The following SEMA6A variants were observed in gnomAD, a reference collection of about 807,000 sequenced individuals.
SEMA6A encodes semaphorin-6A.
Under a neutral mutation model 96.8 loss-of-function variants are expected in SEMA6A, and 25 were observed. The ratio of observed to expected loss-of-function variants is 0.26; its 90% CI spans 0.19 to 0.36. The LOEUF is 0.36. SEMA6A is among the 10% of genes least tolerant of loss of function. The probability of loss-of-function intolerance (pLI) is 1.00; values close to 1 mark genes in which losing one functional copy is unlikely to be tolerated. For synonymous variants in SEMA6A, 612 were observed against 518.0 expected, an observed-to-expected ratio of 1.18 and a Z score of -2.46; for missense variants, 1,363 against 1,323.1, an observed-to-expected ratio of 1.03 and a Z score of -0.47.
At chr5:116,474,305 C>T (rs1027559559) in intron 16 of SEMA6A, among the ~76,000 whole-genome samples, 18 of 151,888 alleles carry the variant, frequency 1.2e-4, no homozygotes, top group African/African-American at 4.4e-4. Flanking sequence ...CACACACACA[C>T]ACACATCTTA....
chr5:116,535,985 G>A (rs1759689634), intron 1 of SEMA6A, among the ~76,000 whole-genome samples: 1 of 152,188 alleles, frequency 6.6e-6, no homozygotes, highest in Non-Finnish European at 1.5e-5. Context: ...CAATTCTACT[G>A]ACTCAAAAGG....
intron 2 of SEMA6A, among the ~76,000 whole-genome samples, chr5:116,502,857 C>G (rs1757952871): frequency 1.3e-5 from 2 of 152,198 alleles, no homozygotes; most frequent in South Asian, 4.1e-4. Flanking sequence ...TTGAAGGCAG[C>G]CCCTGAGAGG....
intron 18 of SEMA6A, among the ~76,000 whole-genome samples, chr5:116,462,808 T>G (rs570689665): frequency 6.6e-6 from 1 of 152,312 alleles, no homozygotes; most frequent in African/African-American, 2.4e-5. Context: ...CAGTACACAG[T>G]CACCTAAACT....
intron 1 of SEMA6A, among the ~76,000 whole-genome samples, chr5:116,518,921 A>T (rs1758794021): frequency 6.6e-6 from 1 of 152,194 alleles, no homozygotes. Context: ...AATAACTAAA[A>T]GACTAAGGCA....
intron 17 of SEMA6A, 198 bp downstream of exon 17, chr5:116,472,875 G>T: frequency 1.4e-6 from 2 of 1,471,036 alleles, no homozygotes; most frequent in Non-Finnish European, 1.8e-6. Flanking sequence ...AAAAAAATCC[G>T]TAAACTGACC....
intron 1 of SEMA6A, among the ~76,000 whole-genome samples, chr5:116,568,637 T>A (rs771644659): frequency 2.6e-5 from 4 of 152,224 alleles, no homozygotes; most frequent in Non-Finnish European, 1.5e-5. Flanking sequence ...TGATTTTACC[T>A]AACTCAGACT....
At chr5:116,573,643 C>T (rs912892871) in intron 1 of SEMA6A, among the ~76,000 whole-genome samples, 3 of 151,696 alleles carry the variant, frequency 2.0e-5, no homozygotes, top group African/African-American at 4.8e-5. Context: ...AGACCCCACA[C>T]TGACAACAAA....
At chr5:116,467,507 C>T in intron 18 of SEMA6A, 76 bp downstream of exon 18, 1 of 1,425,536 alleles carries the variant, frequency 7.0e-7, no homozygotes, top group Non-Finnish European at 9.4e-7. Flanking sequence ...CAAAATTCAG[C>T]TGGAAGCAGT....
chr5:116,473,102 C>T lies in SEMA6A; in HGVS notation c.1709-9G>A. 11 of 1,591,992 alleles carry T rather than the reference C, an allele frequency of 6.9e-6. No individual in the cohort carries two copies. Among genetic ancestry groups the T allele is most frequent in the Non-Finnish European group, 9.4e-6 (11 of 1,168,148 alleles). ...CAGTGCCACAAAGGAATCTGAAAGA[C>T]AAAAGGGAGGAGAAGGTTACTTAAT... is the stretch of plus-strand genomic sequence containing the variant. On this transcript the variant is annotated splice_polypyrimidine_tract_variant and intron_variant, in intron 16 of 18. Coordinates refer to ENST00000343348, the MANE Select transcript of SEMA6A (RefSeq NM_020796.5).
chr5:116,455,230 A>G (rs1202217376), intron 18 of SEMA6A, among the ~76,000 whole-genome samples: 1 of 152,178 alleles, frequency 6.6e-6, no homozygotes, highest in South Asian at 2.1e-4. Context: ...GGCATTGCCA[A>G]TGGGAGTGCT....
chr5:116,495,679 G>A (rs1009592964), intron 5 of SEMA6A, 165 bp from the exon 6 acceptor site: 12 of 563,562 alleles, frequency 2.1e-5, no homozygotes, highest in Middle Eastern at 4.7e-4. Flanking sequence ...AGATGATGCC[G>A]ACATCAACGA....
Position 116,447,744 on chromosome 5 carries a change from T to C in SEMA6A, c.1962A>G (p.Ala654=). 4 of 1,613,850 alleles carry C rather than the reference T, an allele frequency of 2.5e-6. No homozygotes were observed. Among genetic ancestry groups the C allele is most frequent in the Non-Finnish European group, 3.4e-6 (4 of 1,179,768 alleles). Residue 654 remains alanine, a synonymous_variant, in exon 19 of 19, where the codon GCA becomes GCG. Transcript: ENST00000343348. ...QLVPVTLLAI[A]VILAFVMGAV... is the part of the protein sequence containing the mutation. ...CCCCCATGACGAAAGCCAGGATGAC[T>C]GCAATGGCCAAGAGGGTGACGGGAA... is the stretch of plus-strand genomic sequence containing the variant.
At chr5:116,502,749 T>C (rs1188002679) in intron 2 of SEMA6A, 1 of 172,058 alleles carries the variant, frequency 5.8e-6, no homozygotes, top group Non-Finnish European at 1.2e-5. Flanking sequence ...TTCCCATCAA[T>C]CACCACAAAT....
chr5:116,476,958 T>C lies in SEMA6A; in HGVS notation c.1649+888A>G, dbSNP rs1756481040. Among the ~76,000 whole-genome samples, 2 of 152,200 alleles carry C rather than the reference T, an allele frequency of 1.3e-5. 1 individual carries two copies. The highest frequency in any genetic ancestry group is 1.3e-4 in the Admixed American group (2 of 15,280). ...CCTCAAATTATGCAGGTAGTGGTCATCAGATATGCCCTTGATCTGTTTGTT... is the reference window on the plus strand; with the variant it reads ...CCTCAAATTATGCAGGTAGTGGTCACCAGATATGCCCTTGATCTGTTTGTT... On this transcript the variant is annotated intron_variant, in intron 15 of 18. Transcript: ENST00000343348.
At chr5:116,499,423 C>CGGGGGGG (rs1229560005) in intron 3 of SEMA6A, among the ~76,000 whole-genome samples, 1 of 17,674 alleles carries the variant, frequency 5.7e-5, no homozygotes, top group African/African-American at 9.4e-5. Context: ...GGGGGTTGGC[C>CGGGGGGG]GGGGGGTGGG....
intron 1 of SEMA6A, among the ~76,000 whole-genome samples, chr5:116,509,187 G>C (rs567996794): frequency 6.6e-6 from 1 of 152,262 alleles, no homozygotes; most frequent in African/African-American, 2.4e-5. Flanking sequence ...GGCACACAAG[G>C]AACATTTTAA....
chr5:116,453,607 C>T (rs1022149022), intron 18 of SEMA6A, among the ~76,000 whole-genome samples: 2 of 152,188 alleles, frequency 1.3e-5, no homozygotes, highest in Admixed American at 6.6e-5. Context: ...TTTAGAAGAT[C>T]TGCCACTCAT....
At chr5:116,571,338 T>A (rs529920581) in intron 1 of SEMA6A, among the ~76,000 whole-genome samples, 3 of 152,364 alleles carry the variant, frequency 2.0e-5, no homozygotes, top group Non-Finnish European at 4.4e-5. Context: ...CATATGTGGA[T>A]TATATGCGTT....
intron 2 of SEMA6A, among the ~76,000 whole-genome samples, chr5:116,503,481 G>A (rs1757991491): frequency 1.3e-5 from 2 of 150,996 alleles, no homozygotes; most frequent in Non-Finnish European, 1.5e-5. Flanking sequence ...TCACTGAAGG[G>A]TGGCTTACAG....
Sources: gnomAD v4.1 joint callset for allele counts (sites outside exome capture counted in the v4.1 genomes callset) on GRCh38, gnomAD v4.1.1 for gene constraint, MANE v1.5 for transcripts, NCBI Gene and HGNC (gene_info 2026-07-23, HGNC 2026-07-21) for gene names.